ROR1: variants seen among roughly 807,000 people sequenced by gnomAD.
ROR1 encodes inactive tyrosine-protein kinase transmembrane receptor ROR1.
ROR1 carries 19 observed loss-of-function variants against 78.8 expected under a neutral mutation model. The ratio of observed to expected loss-of-function variants is 0.24; its 90% CI spans 0.17 to 0.35. ROR1 has a LOEUF of 0.35. Among genes scored for constraint, ROR1 ranks in the 10% least tolerant of loss-of-function variants. ROR1 has a pLI of 1.00. For missense variants in ROR1, 917 were observed against 1,177.8 expected (o/e 0.78, Z 3.24); for synonymous variants, 386 against 433.6 (o/e 0.89, Z 1.36).
intron 1 of ROR1, among the ~76,000 whole-genome samples, chr1:63,952,431 A>G (rs180817836): frequency 6.6e-6 from 1 of 152,166 alleles, no homozygotes; most frequent in East Asian, 1.9e-4. Context: ...AGGAGAGAGC[A>G]TGGGACATCA....
rs540188885 is a variant in ROR1 at position 63,917,315 on chromosome 1, A to G, written c.92-91990A>G. Among the ~76,000 whole-genome samples the G allele has an allele frequency of 6.3e-4, 96 of 152,346 alleles. 1 individual carries two copies. Among genetic ancestry groups the G allele is most frequent in the African/African-American group, 2.2e-3 (92 of 41,592 alleles). ...ATTTGTTTAAGAAATTAATTATTAA[A>G]TGTATCACAGATACATCAGAAGATG... On this transcript the variant is annotated intron_variant, in intron 1 of 8. Coordinates refer to ENST00000371079, the MANE Select transcript of ROR1 (RefSeq NM_005012.4).
chr1:63,887,057 C>T (rs1645362295), intron 1 of ROR1, among the ~76,000 whole-genome samples: 1 of 152,202 alleles, frequency 6.6e-6, no homozygotes, highest in African/African-American at 2.4e-5. Context: ...GACCTTGTGT[C>T]TCCACCTGGG....
In ROR1 at chr1:64,049,870, C is replaced by A; in HGVS notation, c.343C>A (p.Arg115=). 1 of 1,614,204 alleles carries A rather than the reference C, an allele frequency of 6.2e-7. No individual in the cohort carries two copies. The highest frequency in any genetic ancestry group is 2.2e-5 in the East Asian group (1 of 44,886). The change falls in exon 3 of 9, where the codon CGG becomes AGG. Residue 115 remains arginine (R), a synonymous_variant. Coordinates refer to ENST00000371079, the MANE Select transcript of ROR1 (RefSeq NM_005012.4). ...CTTTCGGTCCACCATCTATGGCTCT[C>A]GGCTGCGGATTAGAAACCTCGACAC... ...LSFRSTIYGS[R]LRIRNLDTTD...
At chr1:64,052,374 T>C (rs542514202) in intron 4 of ROR1, among the ~76,000 whole-genome samples, 1 of 152,342 alleles carries the variant, frequency 6.6e-6, no homozygotes, top group African/African-American at 2.4e-5. Context: ...TTAATGTGGT[T>C]CACTAATCTG....
intron 4 of ROR1, among the ~76,000 whole-genome samples, chr1:64,081,290 T>G (rs1257462465): frequency 6.6e-6 from 1 of 152,166 alleles, no homozygotes; most frequent in Non-Finnish European, 1.5e-5. Context: ...GAACCTGTAT[T>G]GAAAAAGTAC....
chr1:63,939,938 C>G (rs1215601642), intron 1 of ROR1, among the ~76,000 whole-genome samples: 1 of 152,142 alleles, frequency 6.6e-6, no homozygotes, highest in African/African-American at 2.4e-5. Flanking sequence ...CAACGGGTTT[C>G]TACACTCATT....
In ROR1 at chr1:64,177,968, G is replaced by A. The variant is rs748792506; in HGVS notation, c.1927G>A (p.Ala643Thr). ...GGGGCTTTCCAGAGAAATTTACTCCGCTGATTACTACAGGGTCCAGAGTAA... is the reference window on the plus strand; with the variant it reads ...GGGGCTTTCCAGAGAAATTTACTCCACTGATTACTACAGGGTCCAGAGTAA... ...DLGLSREIYSADYYRVQSKSL... is the reference protein window; with the variant it reads ...DLGLSREIYSTDYYRVQSKSL... Residue 643 changes from alanine to threonine, a missense_variant, in exon 9 of 9, where the codon GCT (alanine) becomes ACT (threonine). By Grantham distance (58) the Ala-to-Thr change is moderately conservative (BLOSUM62 0). This residue lies in a region of ROR1 where 835 missense variants were observed against 1,069.8 expected (regional missense o/e 0.78). Transcript: ENST00000371079. The A allele has an allele frequency of 1.3e-5, 21 of 1,614,160 alleles. No individual in the cohort carries two copies. Among genetic ancestry groups the A allele is most frequent in the Middle Eastern group, 1.6e-4 (1 of 6,062 alleles).
chr1:63,781,667 T>G (rs1357754577), intron 1 of ROR1, among the ~76,000 whole-genome samples: 1 of 152,190 alleles, frequency 6.6e-6, no homozygotes, highest in Admixed American at 6.5e-5. Context: ...AGGCTTATTG[T>G]GAAGAGTCAA....
At position 63,896,801 on chromosome 1, in the gene ROR1, A is replaced by G. The variant is rs530344221; in HGVS notation, c.92-112504A>G. On this transcript the variant is annotated intron_variant, in intron 1 of 8. Coordinates refer to ENST00000371079, the MANE Select transcript of ROR1 (RefSeq NM_005012.4). ...CTGCTTTCTGGAAAGCCCCTTATGT[A>G]TGCCTTGCACACCCACATCTCACCT... Among the ~76,000 whole-genome samples the G allele has an allele frequency of 6.6e-5, 10 of 152,290 alleles. No individual in the cohort carries two copies. The East Asian group carries it at 1.9e-3, about 29-fold the overall frequency.
intron 7 of ROR1, chr1:64,142,995 C>A: frequency 1.8e-6 from 2 of 1,094,350 alleles, no homozygotes; most frequent in Non-Finnish European, 1.1e-6. Context: ...ACCTTTTCAG[C>A]AAAAAAAGGA....
intron 1 of ROR1, among the ~76,000 whole-genome samples, chr1:63,855,903 C>T (rs1645145581): frequency 6.6e-6 from 1 of 152,026 alleles, no homozygotes; most frequent in African/African-American, 2.4e-5. Context: ...GTGACCCGCC[C>T]ACCTCGGCCT....
intron 1 of ROR1, among the ~76,000 whole-genome samples, chr1:63,957,456 T>A (rs1315640068): frequency 3.9e-5 from 6 of 152,152 alleles, no homozygotes; most frequent in Non-Finnish European, 8.8e-5. Context: ...AAACCTCTTC[T>A]TTTTCCTTCT....
intron 1 of ROR1, among the ~76,000 whole-genome samples, chr1:64,002,323 G>A (rs142206671): frequency 0.013 from 1,989 of 151,978 alleles, 43 homozygotes; most frequent in African/African-American, 0.046. Flanking sequence ...CAGTAGAGAC[G>A]GGGTTTCACC....
chr1:64,023,018 T>C (rs188239551), intron 2 of ROR1, among the ~76,000 whole-genome samples: 32 of 152,294 alleles, frequency 2.1e-4, no homozygotes, highest in African/African-American at 7.5e-4. Context: ...AATAATGCGA[T>C]CATCTATTGA....
chr1:63,819,926 T>C (rs1644914154), intron 1 of ROR1, among the ~76,000 whole-genome samples: 1 of 152,196 alleles, frequency 6.6e-6, no homozygotes, highest in Admixed American at 6.5e-5. Context: ...AGGTACACCT[T>C]GAAACCTGAG....
At chr1:63,859,055 G>A (rs558691133) in intron 1 of ROR1, among the ~76,000 whole-genome samples, 2 of 152,182 alleles carry the variant, frequency 1.3e-5, no homozygotes, top group African/African-American at 2.4e-5. Flanking sequence ...CCCTTCTGTT[G>A]TGTGTGTGCT....
chr1:64,140,613 GA>G (rs1649282608), intron 6 of ROR1, among the ~76,000 whole-genome samples, 187 bp downstream of exon 6: 1 of 152,126 alleles, frequency 6.6e-6, no homozygotes, highest in African/African-American at 2.4e-5. Context: ...GCTTCATGAA[GA>G]CAATAATTTT....
At chr1:64,148,056 T>A (rs1649521761) in intron 7 of ROR1, among the ~76,000 whole-genome samples, 1 of 152,216 alleles carries the variant, frequency 6.6e-6, no homozygotes, top group Non-Finnish European at 1.5e-5. Flanking sequence ...ACTGTACAAT[T>A]GTAAACTATA....
chr1:64,119,801 G>A (rs936450120), intron 4 of ROR1, among the ~76,000 whole-genome samples: 1 of 152,144 alleles, frequency 6.6e-6, no homozygotes, highest in Non-Finnish European at 1.5e-5. Context: ...TGAAGAAATG[G>A]ATGCTTAAAT....
Sources: allele counts gnomAD v4.1 joint callset (sites outside exome capture counted in the v4.1 genomes callset), GRCh38; gene constraint gnomAD v4.1.1; regional missense constraint gnomAD v4.1.1; transcripts MANE v1.5; gene names NCBI Gene and HGNC (gene_info 2026-07-23, HGNC 2026-07-21).